TUBGCP6: variants seen among roughly 807,000 people sequenced by gnomAD.
The protein encoded by TUBGCP6 is gamma-tubulin complex component 6.
A neutral mutation model predicts 175.8 loss-of-function variants in TUBGCP6; 161 were observed. That is an observed-to-expected ratio of 0.92 (90% CI 0.81 to 1.04). The LOEUF is 1.04. Among genes scored for constraint, TUBGCP6 ranks in the 50% least tolerant of loss-of-function variants. TUBGCP6 has a pLI of 0.00. For missense variants in TUBGCP6, 2,572 were observed against 2,433.0 expected (o/e 1.06, Z -1.20); for synonymous variants, 1,173 against 1,030.5 (o/e 1.14, Z -2.65).
chr22:50,229,293 G>A, intron 4 of TUBGCP6, 111 bp downstream of exon 4: 2 of 1,238,218 alleles, frequency 1.6e-6, no homozygotes, highest in Non-Finnish European at 2.2e-6. Context: ...AGCAAGGAAA[G>A]AAAAGGTTTA....
Position 50,244,637 on chromosome 22 carries a change from A to G in TUBGCP6, c.-178T>C. ...AGGAGGTCTTGCGGTTGCTCTACTCAGAGTAAACACGCCCTGCCCTCCCCA... is the reference window on the plus strand; with the variant it reads ...AGGAGGTCTTGCGGTTGCTCTACTCGGAGTAAACACGCCCTGCCCTCCCCA... On this transcript the variant is annotated 5_prime_UTR_variant, in exon 1 of 25. Transcript: ENST00000248846. 9.1e-7 allele frequency: 1 copy of G among 1,093,864 alleles called. No homozygotes were observed. Among genetic ancestry groups the G allele is most frequent in the Non-Finnish European group, 1.3e-6 (1 of 792,614 alleles). 67.8% of individuals were successfully genotyped at this position (1,093,864 alleles called of 1,614,324 possible).
rs747295925 is a variant in TUBGCP6 at position 50,224,263 on chromosome 22, A to T, written c.2155-7T>A. ...GCCTGGCCGCCTGGCGTCGCTATAA[A>T]ACACATAGAGCCTGGCCTGTGAAAT... On this transcript the variant is annotated splice_region_variant and splice_polypyrimidine_tract_variant and intron_variant, in intron 12 of 24. Transcript: ENST00000248846. The T allele has an allele frequency of 6.2e-7, 1 of 1,614,086 alleles. No homozygotes were observed. Among genetic ancestry groups the T allele is most frequent in the Admixed American group, 1.7e-5 (1 of 60,016 alleles).
At position 50,221,614 on chromosome 22, in the gene TUBGCP6, G is replaced by A. The variant is rs202174957; in HGVS notation, c.2745C>T (p.Val915=). 158 of 1,556,126 alleles carry A rather than the reference G, an allele frequency of 1.0e-4. No individual in the cohort carries two copies. Among genetic ancestry groups the A allele is most frequent in the Non-Finnish European group, 1.3e-4 (150 of 1,149,554 alleles). The change falls in exon 16 of 25, where the codon GTC becomes GTT. Residue 915 remains valine, a synonymous_variant. Coordinates refer to ENST00000248846, the MANE Select transcript of TUBGCP6 (RefSeq NM_020461.4). ...GAEPSVQTGM[V]PLLEVALQTI... Reference sequence around the variant, plus strand: ...TCTGCAGCGCCACCTCCAGGAGAGGGACCATGCCAGTCTGCACGGACGGCT... The same window carrying A: ...TCTGCAGCGCCACCTCCAGGAGAGGAACCATGCCAGTCTGCACGGACGGCT...
rs912667390 is a variant in TUBGCP6 at position 50,244,141 on chromosome 22, C to A, written c.319G>T (p.Val107Leu). The A allele has an allele frequency of 8.1e-6, 13 of 1,613,422 alleles. No individual in the cohort carries two copies. The highest frequency in any genetic ancestry group is 1.1e-5 in the Non-Finnish European group (13 of 1,180,058). Residue 107 changes from valine (V) to leucine (L), a missense_variant, in exon 1 of 25, where the codon GTG becomes TTG. Coordinates refer to ENST00000248846, the MANE Select transcript of TUBGCP6 (RefSeq NM_020461.4). ...ACCAGGAGGTCCAAAACAGACCCCA[C>A]CTCCAAAAGCGGACAGCAAGGGGCT... ...EAAPCCPLLEVGSVLDLLVQL... is the reference protein window; with the variant it reads ...EAAPCCPLLELGSVLDLLVQL...
chr22:50,225,739 C>G, intron 10 of TUBGCP6, 55 bp downstream of exon 10: 1 of 1,567,112 alleles, frequency 6.4e-7, no homozygotes. Flanking sequence ...ACCTGAGACC[C>G]CAGGAAGCAG....
chr22:50,229,634 G>A (rs2064664428), intron 3 of TUBGCP6, 57 bp from the exon 4 acceptor site: 1 of 1,519,510 alleles, frequency 6.6e-7, no homozygotes, highest in South Asian at 1.2e-5. Context: ...CCCCCAGTAA[G>A]GTGCCGTCTC....
At position 50,217,942 on chromosome 22, in the gene TUBGCP6, A is replaced by G. The variant is rs2064443625; in HGVS notation, c.5344T>C (p.Tyr1782His). Residue 1782 changes from tyrosine to histidine, a missense_variant, in exon 24 of 25, where the codon TAC becomes CAC. By Grantham distance (83) the Tyr-to-His change is moderately conservative. Transcript: ENST00000248846. ...LMQQSYNTFK[Y>H]YSHFLFKVVT... ...CCTTTGAAGAGAAAGTGGGAGTAGT[A>G]CTTGAAGGTGTTGTAGGACTGCTGC... 2 of 1,608,620 alleles carry G rather than the reference A, an allele frequency of 1.2e-6. No homozygotes were observed. The highest frequency in any genetic ancestry group is 1.3e-5 in the African/African-American group (1 of 74,632).
At position 50,244,819 on chromosome 22, in the gene TUBGCP6, G is replaced by C; in HGVS notation, c.-360C>G. The C allele has an allele frequency of 4.0e-6, 1 of 252,164 alleles. No individual in the cohort carries two copies. The highest frequency in any genetic ancestry group is 5.7e-5 in the South Asian group (1 of 17,588). 15.6% of individuals were successfully genotyped at this position (252,164 alleles called of 1,614,324 possible). ...CAGTACAGCGGACGAACTCGGCTTT[G>C]CACCCGTTCTTCGGGACCCACGAGA... On this transcript the variant is annotated 5_prime_UTR_variant, in exon 1 of 25. Coordinates refer to ENST00000248846, the MANE Select transcript of TUBGCP6 (RefSeq NM_020461.4).
At chr22:50,229,620 C>G in intron 3 of TUBGCP6, 43 bp from the exon 4 acceptor site, 1 of 1,539,718 alleles carries the variant, frequency 6.5e-7, no homozygotes, top group Non-Finnish European at 8.8e-7. Context: ...GCCAGGCACC[C>G]AGACCCCCAG....
At chr22:50,235,485 G>C (rs1401195747) in intron 2 of TUBGCP6, among the ~76,000 whole-genome samples, 4 of 152,238 alleles carry the variant, frequency 2.6e-5, no homozygotes, top group Non-Finnish European at 5.9e-5. Flanking sequence ...TGCTCCAGAA[G>C]GCACGGCACT....
Position 50,225,825 on chromosome 22 carries a change from G to A in TUBGCP6, c.1952C>T (p.Ala651Val). The change falls in exon 10 of 25, where the codon GCC (alanine) becomes GTC (valine). Residue 651 changes from alanine to valine, a missense_variant. By Grantham distance (64) the Ala-to-Val change is moderately conservative (BLOSUM62 0). Coordinates refer to ENST00000248846, the MANE Select transcript of TUBGCP6 (RefSeq NM_020461.4). ...CTCCTTGCTGACAGAGCTGTGGCGG[G>A]CCACCCTCTCCATGCGCCCAACGTA... is the stretch of plus-strand genomic sequence containing the variant. ...AVYVGRMERV[A>V]RHSSVSKEEK... 2 of 1,613,574 alleles carry A rather than the reference G, an allele frequency of 1.2e-6. No homozygotes were observed. Among genetic ancestry groups the A allele is most frequent in the Non-Finnish European group, 1.7e-6 (2 of 1,179,880 alleles).
chr22:50,229,524 G>T lies in TUBGCP6; in HGVS notation c.1170C>A (p.Pro390=). 6.2e-7 allele frequency: 1 copy of T among 1,606,516 alleles called. No individual in the cohort carries two copies. Among genetic ancestry groups the T allele is most frequent in the Non-Finnish European group, 8.5e-7 (1 of 1,176,984 alleles). The change falls in exon 4 of 25, where the codon CCC becomes CCA. Residue 390 remains proline (P), a synonymous_variant. Transcript: ENST00000248846. ...KRGVHVSGAS[P]ESISSLLSEV... is the part of the protein sequence containing the mutation. ...CCGAGAGCAGGCTGCTGATGCTCTC[G>T]GGAGACGCTCCTGACACGTGGACGC... is the stretch of plus-strand genomic sequence containing the variant.
rs1178499704 is a variant in TUBGCP6 at position 50,220,017 on chromosome 22, T to G, written c.4109-2A>C. The G allele has an allele frequency of 1.9e-6, 3 of 1,613,110 alleles. No homozygotes were observed. Among genetic ancestry groups the G allele is most frequent in the Non-Finnish European group, 2.5e-6 (3 of 1,179,532 alleles). Reference sequence around the variant, plus strand: ...CAGTGTCCCCGCTCCTCCCAGGGCCTGTGTGGACACAAGTGGACACGAGGG... The same window carrying G: ...CAGTGTCCCCGCTCCTCCCAGGGCCGGTGTGGACACAAGTGGACACGAGGG... On this transcript the variant is annotated splice_acceptor_variant, in intron 16 of 24. Coordinates refer to ENST00000248846, the MANE Select transcript of TUBGCP6 (RefSeq NM_020461.4). LOFTEE classifies it high-confidence loss of function.
At position 50,226,372 on chromosome 22, in the gene TUBGCP6, G is replaced by A. The variant is rs200701303; in HGVS notation, c.1608C>T (p.Ile536=). ...KTSCEPYTRF[I]HDWVYSGVFR... is the part of the protein sequence containing the mutation. Reference sequence around the variant, plus strand: ...ACACCCCGCTGTACACCCAGTCGTGGATGAACCTGCAGTGGGGGAAAAGCA... The same window carrying A: ...ACACCCCGCTGTACACCCAGTCGTGAATGAACCTGCAGTGGGGGAAAAGCA... The change falls in exon 8 of 25, where the codon ATC becomes ATT. Residue 536 remains isoleucine, a synonymous_variant. Coordinates refer to ENST00000248846, the MANE Select transcript of TUBGCP6 (RefSeq NM_020461.4). 1.2e-5 allele frequency: 19 copies of A among 1,606,962 alleles called. No individual in the cohort carries two copies. Among genetic ancestry groups the A allele is most frequent in the African/African-American group, 1.3e-5 (1 of 74,916 alleles).
In TUBGCP6 at chr22:50,221,401, C is replaced by A; in HGVS notation, c.2958G>T (p.Glu986Asp). The A allele has an allele frequency of 6.2e-7, 1 of 1,606,274 alleles. No homozygotes were observed. The change falls in exon 16 of 25, where the codon GAG becomes GAT. Residue 986 changes from glutamate to aspartate, a missense_variant. Physicochemically the swap from Glu to Asp is conservative, Grantham distance 45. Transcript: ENST00000248846. Reference sequence around the variant, plus strand: ...AGGCATCCATCTTCCCACAACTGTCCTCCCACAGCTGTAGCCCTGAGCTGC... The same window carrying A: ...AGGCATCCATCTTCCCACAACTGTCATCCCACAGCTGTAGCCCTGAGCTGC... ...SLGSSGLQLW[E>D]DSCGKMDACG...
chr22:50,220,154 G>A (rs1384437675), intron 16 of TUBGCP6, 97 bp downstream of exon 16: 2 of 1,549,004 alleles, frequency 1.3e-6, no homozygotes, highest in Admixed American at 1.8e-5. Context: ...GAGGCCTGAG[G>A]GGAACTTCAC....
intron 3 of TUBGCP6, among the ~76,000 whole-genome samples, chr22:50,230,852 A>C (rs1299591259): frequency 6.6e-6 from 1 of 151,212 alleles, no homozygotes; most frequent in Non-Finnish European, 1.5e-5. Flanking sequence ...GGGAGGCCGA[A>C]GCAAGCGGAT....
At position 50,218,820 on chromosome 22, in the gene TUBGCP6, G is replaced by A. The variant is rs1212353795; in HGVS notation, c.4704C>T (p.Cys1568=). The part of the protein sequence containing the change: ...LNSVLSKALQ[C]SLHGDTPHAS... ...CGTGCGGGGTGTCCCCATGCAGGCT[G>A]CACTGCAGGGCCTTGCTCAGCACAG... The change falls in exon 21 of 25, where the codon TGC becomes TGT. Residue 1568 remains cysteine, a synonymous_variant. Coordinates refer to ENST00000248846, the MANE Select transcript of TUBGCP6 (RefSeq NM_020461.4). 1.2e-6 allele frequency: 2 copies of A among 1,614,130 alleles called. No individual in the cohort carries two copies. The highest frequency in any genetic ancestry group is 2.2e-5 in the East Asian group (1 of 44,888).
In TUBGCP6 at chr22:50,222,586, T is replaced by C. The variant is rs752887864; in HGVS notation, c.2277A>G (p.Ala759=). The change falls in exon 14 of 25, where the codon GCA becomes GCG. Residue 759 remains alanine, a synonymous_variant. Coordinates refer to ENST00000248846, the MANE Select transcript of TUBGCP6 (RefSeq NM_020461.4). ...EEELERKARQ[A]LVDHYSKLSA... is the part of the protein sequence containing the mutation. ...AGAGCTTGCTGTAGTGGTCGACCAGTGCCTGCCTGAAGCCACACACCAGAG... is the reference window on the plus strand; with the variant it reads ...AGAGCTTGCTGTAGTGGTCGACCAGCGCCTGCCTGAAGCCACACACCAGAG... 1 of 1,611,278 alleles carries C rather than the reference T, an allele frequency of 6.2e-7. No individual in the cohort carries two copies. Among genetic ancestry groups the C allele is most frequent in the East Asian group, 2.2e-5 (1 of 44,886 alleles).
Sources: allele counts gnomAD v4.1 joint callset (sites outside exome capture counted in the v4.1 genomes callset), GRCh38; gene constraint gnomAD v4.1.1; transcripts MANE v1.5; gene names NCBI Gene and HGNC (gene_info 2026-07-23, HGNC 2026-07-21).